The following SRGAP2 variants were observed in gnomAD, a reference collection of about 807,000 sequenced individuals.
The protein encoded by SRGAP2 is SLIT-ROBO Rho GTPase activating protein 2.
In SRGAP2, 15 loss-of-function variants were observed where a neutral mutation model predicts 57.2. The observed-to-expected ratio is 0.26, with a 90% CI of 0.18 to 0.40. The LOEUF (loss-of-function observed/expected upper bound fraction) is 0.40, where lower values mean the gene tolerates loss of function less well. Among genes scored for constraint, SRGAP2 ranks in the 10% least tolerant of loss-of-function variants. The pLI is 1.00. For missense variants in SRGAP2, 520 were observed against 669.6 expected, an observed-to-expected ratio of 0.78 and a Z score of 2.47; for synonymous variants, 249 against 248.0, an observed-to-expected ratio of 1.00 and a Z score of -0.04.
intron 21 of SRGAP2, chr1:206,455,364 A>G (rs782263699): frequency 6.4e-6 from 2 of 310,786 alleles, no homozygotes; most frequent in Non-Finnish European, 1.2e-5. Context: ...CTGGTTTTGT[A>G]CTGTTTCTCA....
intron 18 of SRGAP2, among the ~76,000 whole-genome samples, chr1:206,449,034 G>A (rs1445610251): frequency 6.6e-6 from 1 of 152,126 alleles, no homozygotes; most frequent in African/African-American, 2.4e-5. Flanking sequence ...TTCCAAGGTG[G>A]AAACTGTGCG....
chr1:206,310,409 G>A (rs1259994572), intron 3 of SRGAP2, among the ~76,000 whole-genome samples: 2 of 152,054 alleles, frequency 1.3e-5, no homozygotes, highest in Non-Finnish European at 2.9e-5. Context: ...ATAAATAAGT[G>A]TATATGTGAA....
intron 3 of SRGAP2, among the ~76,000 whole-genome samples, chr1:206,328,098 G>A (rs1553330829): frequency 8.0e-5 from 10 of 125,582 alleles, no homozygotes; most frequent in African/African-American, 8.0e-5. Context: ...GAGAATGATG[G>A]TTTCCAATTT....
intron 2 of SRGAP2, among the ~76,000 whole-genome samples, chr1:206,265,806 T>TC (rs1297434653): frequency 6.6e-6 from 1 of 150,848 alleles, no homozygotes; most frequent in East Asian, 2.0e-4. Context: ...AGTGAACGTG[T>TC]TTTTTTCTCT....
At chr1:206,315,540 G>A (rs1181706550) in intron 3 of SRGAP2, among the ~76,000 whole-genome samples, 99 of 123,246 alleles carry the variant, frequency 8.0e-4, no homozygotes, top group Non-Finnish European at 1.2e-3. Context: ...GGTGTGTTTT[G>A]CATGGGCCCA....
chr1:206,411,615 G>C (rs1171098994), intron 10 of SRGAP2, among the ~76,000 whole-genome samples: 1 of 152,208 alleles, frequency 6.6e-6, no homozygotes, highest in African/African-American at 2.4e-5. Context: ...TCTGAGCATG[G>C]GCTGGGTAGG....
intron 2 of SRGAP2, among the ~76,000 whole-genome samples, chr1:206,266,920 C>T (rs1431474710): frequency 9.0e-5 from 13 of 143,670 alleles, no homozygotes; most frequent in African/African-American, 3.4e-4. Context: ...TCTTCTGATT[C>T]TTAAAGAGGC....
chr1:206,370,083 GT>G (rs1654385529), intron 4 of SRGAP2, among the ~76,000 whole-genome samples: 1 of 150,534 alleles, frequency 6.6e-6, no homozygotes, highest in Admixed American at 6.6e-5. Flanking sequence ...GGCTAACATG[GT>G]GAAACCCTGC....
chr1:206,333,555 G>T lies in SRGAP2; in HGVS notation c.261-9291G>T, dbSNP rs1471870204. 11 of 815,250 alleles carry T rather than the reference G, an allele frequency of 1.3e-5. No homozygotes were observed. The African/African-American group carries it at 1.9e-4, about 14-fold the overall frequency. The allele number at this position is 815,250 out of a possible 1,614,324, so 50.5% of individuals were successfully genotyped here. ...TATTTATTTATTTTTTAAGAGACAG[G>T]TCCTATGTTGCCCAGGCTGGTCATT... is the stretch of plus-strand genomic sequence containing the variant. On this transcript the variant is annotated intron_variant, in intron 3 of 22. Transcript: ENST00000573034.
intron 11 of SRGAP2, among the ~76,000 whole-genome samples, chr1:206,418,888 CTGTGTGTGTGTGTGTG>C (rs1159940831): frequency 3.1e-4 from 43 of 136,644 alleles, no homozygotes; most frequent in East Asian, 1.1e-3. Context: ...CCAACTCTCT[CTGTGTGTGTGTGTGTG>C]TGTGTGTGTG....
At chr1:206,307,601 G>T (rs1406536079) in intron 3 of SRGAP2, among the ~76,000 whole-genome samples, 6 of 152,248 alleles carry the variant, frequency 3.9e-5, no homozygotes, top group African/African-American at 1.2e-4. Flanking sequence ...CTGCCCCGCG[G>T]GAAGGCAGCT....
At chr1:206,216,278 A>G (rs371828783) in intron 2 of SRGAP2, among the ~76,000 whole-genome samples, 1,873 of 152,262 alleles carry the variant, frequency 0.012, 12 homozygotes, top group Middle Eastern at 0.027. Context: ...AAATTTCTTC[A>G]GTCACATCTC....
intron 4 of SRGAP2, among the ~76,000 whole-genome samples, chr1:206,372,913 T>C (rs1654682865): frequency 3.2e-4 from 2 of 6,220 alleles, no homozygotes; most frequent in African/African-American, 4.7e-3. Flanking sequence ...CTTTCTTTCT[T>C]TCTTTCTTTC....
chr1:206,286,542 C>T (rs1243470677), intron 2 of SRGAP2, among the ~76,000 whole-genome samples: 21 of 149,294 alleles, frequency 1.4e-4, no homozygotes, highest in African/African-American at 5.2e-4. Flanking sequence ...CAGCAGGGAA[C>T]AAAGTGAAGT....
chr1:206,459,621 G>A (rs1664103944), intron 22 of SRGAP2, among the ~76,000 whole-genome samples: 1 of 152,094 alleles, frequency 6.6e-6, no homozygotes, highest in South Asian at 2.1e-4. Context: ...GACTACCGGG[G>A]CCACTCCAAG....
intron 2 of SRGAP2, among the ~76,000 whole-genome samples, chr1:206,260,788 T>C (rs1243923405): frequency 1.3e-5 from 2 of 152,218 alleles, no homozygotes; most frequent in Admixed American, 6.5e-5. Context: ...AAGCAATACT[T>C]CAGTGAACAA....
At chr1:206,331,610 A>G (rs1553331942) in intron 3 of SRGAP2, among the ~76,000 whole-genome samples, 1 of 143,914 alleles carries the variant, frequency 6.9e-6, no homozygotes, top group Non-Finnish European at 1.5e-5. Flanking sequence ...AGTCTGTTTT[A>G]TCAGAGACTA....
At chr1:206,259,234 T>C (rs377456868) in intron 2 of SRGAP2, among the ~76,000 whole-genome samples, 3 of 151,470 alleles carry the variant, frequency 2.0e-5, no homozygotes, top group African/African-American at 7.3e-5. Flanking sequence ...TTTCTCTTAG[T>C]TGGGTTGACT....
At chr1:206,422,168 G>C (rs1418416386) in intron 13 of SRGAP2, among the ~76,000 whole-genome samples, 1 of 152,190 alleles carries the variant, frequency 6.6e-6, no homozygotes, top group African/African-American at 2.4e-5. Context: ...GCCACAGGGA[G>C]ATAATCGAAT....
Sources: gnomAD v4.1 joint callset for allele counts (sites outside exome capture counted in the v4.1 genomes callset) on GRCh38, gnomAD v4.1.1 for gene constraint, MANE v1.5 for transcripts, NCBI Gene and HGNC (gene_info 2026-07-23, HGNC 2026-07-21) for gene names.